The following DRC8 variants were observed in gnomAD, a reference collection of about 807,000 sequenced individuals.
DRC8 encodes the protein dynein regulatory complex subunit 8, also known as dynein regulatory complex protein 8.
chr1:244,970,785 C>CCCCTCCTCCTT, the DRC8 span: 1 of 67,782 alleles, frequency 1.5e-5, no homozygotes, highest in Non-Finnish European at 3.3e-5. Context: ...CGTCCTCCTT[C>CCCCTCCTCCTT]CCCCTCCCTC....
the DRC8 span, among the ~76,000 whole-genome samples, chr1:245,018,202 G>C: frequency 2.0e-5 from 3 of 148,900 alleles, no homozygotes; most frequent in African/African-American, 7.5e-5. Context: ...ACTCCAGCCT[G>C]GGCGACAGAG....
At chr1:245,010,646 C>T in the DRC8 span, among the ~76,000 whole-genome samples, 2 of 151,670 alleles carry the variant, frequency 1.3e-5, no homozygotes, top group African/African-American at 2.4e-5. Flanking sequence ...CCCTTTAATC[C>T]ATCCACTTTA....
chr1:245,021,889 G>A, the DRC8 span, among the ~76,000 whole-genome samples: 1 of 152,160 alleles, frequency 6.6e-6, no homozygotes, highest in Non-Finnish European at 1.5e-5. Context: ...TGCCCAGGCT[G>A]ACCTTGAAAC....
chr1:245,036,523 A>G, the DRC8 span, among the ~76,000 whole-genome samples: 4 of 152,372 alleles, frequency 2.6e-5, no homozygotes, highest in East Asian at 7.7e-4. Context: ...AAATATGTCC[A>G]TACAAAAACC....
chr1:245,083,922 T>C, the DRC8 span: 2 of 458,736 alleles, frequency 4.4e-6, no homozygotes, highest in Non-Finnish European at 7.5e-6. Flanking sequence ...AGCACAGTGA[T>C]TACTTCTATA....
At chr1:244,984,850 C>A in the DRC8 span, among the ~76,000 whole-genome samples, 12 of 138,986 alleles carry the variant, frequency 8.6e-5, no homozygotes, top group African/African-American at 8.2e-5. Context: ...ACCCCCCCTT[C>A]AAAAAAAAAA....
At chr1:245,107,550 A>T in the DRC8 span, among the ~76,000 whole-genome samples, 1 of 152,214 alleles carries the variant, frequency 6.6e-6, no homozygotes, top group South Asian at 2.1e-4. Flanking sequence ...CTAGGGGCAG[A>T]AGTGCCGCTG....
chr1:245,079,229 G>A, the DRC8 span, among the ~76,000 whole-genome samples: 1 of 152,152 alleles, frequency 6.6e-6, no homozygotes, highest in African/African-American at 2.4e-5. Flanking sequence ...CTAGAGGACA[G>A]TGTTGGGTCA....
chr1:245,078,649 T>C, the DRC8 span, among the ~76,000 whole-genome samples: 1 of 152,062 alleles, frequency 6.6e-6, no homozygotes, highest in Non-Finnish European at 1.5e-5. Context: ...AGAGAGTAGA[T>C]GGGTAGTTAA....
the DRC8 span, among the ~76,000 whole-genome samples, chr1:245,094,517 A>G: frequency 2.3e-4 from 35 of 152,184 alleles, no homozygotes; most frequent in Non-Finnish European, 4.9e-4. Flanking sequence ...TGCCTTCCTG[A>G]TACGTGCATT....
At chr1:245,022,199 G>T in the DRC8 span, among the ~76,000 whole-genome samples, 8 of 150,380 alleles carry the variant, frequency 5.3e-5, no homozygotes, top group African/African-American at 1.7e-4. Context: ...AGGCAGGAGC[G>T]CAGTGGAGTG....
At chr1:245,055,132 A>G in the DRC8 span, among the ~76,000 whole-genome samples, 6 of 152,042 alleles carry the variant, frequency 3.9e-5, no homozygotes, top group African/African-American at 1.4e-4. Context: ...CTGGAGGGAG[A>G]CATTATGTCA....
At chr1:244,988,244 T>C in the DRC8 span, among the ~76,000 whole-genome samples, 1 of 152,158 alleles carries the variant, frequency 6.6e-6, no homozygotes, top group East Asian at 1.9e-4. Flanking sequence ...CTTGAACTCT[T>C]GGGCTCAAGC....
chr1:245,012,630 T>C, the DRC8 span, among the ~76,000 whole-genome samples: 4 of 152,104 alleles, frequency 2.6e-5, no homozygotes, highest in African/African-American at 9.7e-5. Flanking sequence ...TCAGGCATCA[T>C]CTTCTTGGAG....
the DRC8 span, among the ~76,000 whole-genome samples, chr1:245,020,041 C>T: frequency 6.7e-6 from 1 of 148,882 alleles, no homozygotes; most frequent in Non-Finnish European, 1.5e-5. Flanking sequence ...ACAGAGAGAG[C>T]TGTTCCTGGA....
chr1:245,062,468 T>C, the DRC8 span, among the ~76,000 whole-genome samples: 5 of 152,188 alleles, frequency 3.3e-5, no homozygotes, highest in Non-Finnish European at 7.4e-5. Flanking sequence ...TAGCGCCTTC[T>C]AGGATCTTCA....
the DRC8 span, among the ~76,000 whole-genome samples, chr1:245,035,418 C>T: frequency 6.6e-6 from 1 of 152,214 alleles, no homozygotes; most frequent in Middle Eastern, 3.4e-3. Flanking sequence ...TAAACCCTTA[C>T]ACTTATGGTC....
At chr1:244,998,581 T>TGA in the DRC8 span, among the ~76,000 whole-genome samples, 1 of 152,130 alleles carries the variant, frequency 6.6e-6, no homozygotes, top group Non-Finnish European at 1.5e-5. Context: ...CCCAATTGGC[T>TGA]TATCAGTCAA....
At chr1:244,997,162 C>CAG in the DRC8 span, among the ~76,000 whole-genome samples, 1 of 152,132 alleles carries the variant, frequency 6.6e-6, no homozygotes, top group South Asian at 2.1e-4. Flanking sequence ...CATGGGTGTA[C>CAG]AGAGGGCTGA....
Sources: gnomAD v4.1 joint callset for allele counts (sites outside exome capture counted in the v4.1 genomes callset) on GRCh38, gnomAD v4.1.1 for gene constraint, MANE v1.5 for transcripts, NCBI Gene and HGNC (gene_info 2026-07-23, HGNC 2026-07-21) for gene names.